Variants in THADA observed in about 807,000 individuals in gnomAD.
THADA encodes THADA armadillo repeat containing, also known as tRNA (32-2'-O)-methyltransferase regulator THADA.
In THADA, 213 loss-of-function variants were observed where a neutral mutation model predicts 219.8. That is an observed-to-expected ratio of 0.97 (90% CI 0.87 to 1.09). The LOEUF (loss-of-function observed/expected upper bound fraction) is 1.09. THADA is among the 50% of genes least tolerant of loss of function. THADA has a pLI of 0.00. For missense variants in THADA, 2,956 were observed against 2,311.3 expected (o/e 1.28, Z -5.72); for synonymous variants, 1,018 against 828.9 (o/e 1.23, Z -3.92).
chr2:43,413,755 CT>C lies in THADA; in HGVS notation c.4058+14344del, dbSNP rs1474233702. ...GATGGTGACAAAATGGTCTCTTCAT[CT>C]TCTTCTGTTCATTAAGGTATTCGGT... On this transcript the variant is annotated intron_variant, in intron 28 of 37. Coordinates refer to ENST00000405975, the MANE Select transcript of THADA (RefSeq NM_022065.5). Among the ~76,000 whole-genome samples, 3 of 152,224 alleles carry C rather than the reference CT, an allele frequency of 2.0e-5. No homozygotes were observed. The East Asian group carries it at 5.8e-4, about 29-fold the overall frequency.
intron 31 of THADA, among the ~76,000 whole-genome samples, chr2:43,318,064 G>A (rs1678277590): frequency 6.6e-6 from 1 of 151,726 alleles, no homozygotes; most frequent in African/African-American, 2.4e-5. Context: ...TTTTGAGACA[G>A]GGTATCGCTC....
At chr2:43,352,575 A>T (rs1033276671) in intron 29 of THADA, among the ~76,000 whole-genome samples, 1 of 152,036 alleles carries the variant, frequency 6.6e-6, no homozygotes, top group African/African-American at 2.4e-5. Context: ...AATAATAATA[A>T]AAAAATGCAG....
chr2:43,312,557 A>G (rs1256178673), intron 31 of THADA, among the ~76,000 whole-genome samples: 1 of 152,190 alleles, frequency 6.6e-6, no homozygotes, highest in Non-Finnish European at 1.5e-5. Context: ...ATCTAATAAC[A>G]TACCCTATAT....
At chr2:43,335,918 G>A (rs1377570168) in intron 30 of THADA, among the ~76,000 whole-genome samples, 1 of 151,974 alleles carries the variant, frequency 6.6e-6, no homozygotes. Context: ...CTAACATGGT[G>A]AAATCCCATC....
At chr2:43,345,829 A>T (rs1389728663) in intron 29 of THADA, among the ~76,000 whole-genome samples, 1 of 152,232 alleles carries the variant, frequency 6.6e-6, no homozygotes, top group East Asian at 1.9e-4. Flanking sequence ...GAAACCTGTG[A>T]GATTTTCAAA....
At chr2:43,540,954 T>C (rs1187640113) in intron 21 of THADA, among the ~76,000 whole-genome samples, 1 of 152,228 alleles carries the variant, frequency 6.6e-6, no homozygotes, top group East Asian at 1.9e-4. Flanking sequence ...TTATATACCT[T>C]AGAAAAAATT....
chr2:43,549,392 A>C (rs777585957), intron 19 of THADA, 24 bp from the exon 20 acceptor site: 2 of 1,587,814 alleles, frequency 1.3e-6, no homozygotes, highest in African/African-American at 1.3e-5. Context: ...ATGAGCGTAC[A>C]TGAAACCCAG....
At chr2:43,288,996 T>C (rs568856902) in intron 34 of THADA, among the ~76,000 whole-genome samples, 10 of 152,330 alleles carry the variant, frequency 6.6e-5, no homozygotes, top group African/African-American at 2.2e-4. Context: ...ATCTACTTTC[T>C]GTCTCTATCA....
chr2:43,384,066 T>C (rs1249909737), intron 29 of THADA, among the ~76,000 whole-genome samples: 2 of 152,138 alleles, frequency 1.3e-5, no homozygotes, highest in Non-Finnish European at 2.9e-5. Flanking sequence ...CTATGATCAG[T>C]GCAGTGATAG....
intron 36 of THADA, among the ~76,000 whole-genome samples, chr2:43,236,616 G>T (rs1353565648): frequency 6.6e-6 from 1 of 152,140 alleles, no homozygotes; most frequent in East Asian, 1.9e-4. Flanking sequence ...CCTAATTTTG[G>T]GAGGCTAAGG....
At chr2:43,551,680 C>T in intron 19 of THADA, 109 bp downstream of exon 19, 1 of 1,012,744 alleles carries the variant, frequency 9.9e-7, no homozygotes, top group Non-Finnish European at 1.3e-6. Context: ...ATTTTCTCCT[C>T]AACTTAGCTT....
chr2:43,422,440 C>A (rs1677832057), intron 28 of THADA, among the ~76,000 whole-genome samples: 1 of 152,046 alleles, frequency 6.6e-6, no homozygotes, highest in Admixed American at 6.5e-5. Context: ...GAGCCCAGAA[C>A]AGAATAATAA....
intron 29 of THADA, among the ~76,000 whole-genome samples, chr2:43,356,977 A>AGGAATGTAGTATGAGC: frequency 1.3e-5 from 2 of 152,326 alleles, no homozygotes; most frequent in South Asian, 4.1e-4. Context: ...CATCATCAAA[A>AGGAATGTAGTATGAGC]GGAATGTAGT....
At chr2:43,265,071 C>G (rs533387082) in intron 36 of THADA, among the ~76,000 whole-genome samples, 8 of 152,284 alleles carry the variant, frequency 5.3e-5, no homozygotes, top group African/African-American at 1.9e-4. Flanking sequence ...TGGGAAGCCA[C>G]CAGAACAAGA....
intron 29 of THADA, among the ~76,000 whole-genome samples, chr2:43,346,873 C>A (rs1008685617): frequency 6.6e-6 from 1 of 152,184 alleles, no homozygotes; most frequent in African/African-American, 2.4e-5. Flanking sequence ...CTTGACCTCC[C>A]CCTCCAACAA....
intron 29 of THADA, among the ~76,000 whole-genome samples, chr2:43,365,888 C>T (rs981603388): frequency 6.6e-6 from 1 of 151,968 alleles, no homozygotes; most frequent in Admixed American, 6.6e-5. Flanking sequence ...ACACTGTCTC[C>T]CAATCTAATG....
intron 36 of THADA, among the ~76,000 whole-genome samples, chr2:43,254,958 G>A (rs1177482293): frequency 6.6e-6 from 1 of 152,154 alleles, no homozygotes; most frequent in Admixed American, 6.5e-5. Flanking sequence ...TTTTTGGAAT[G>A]TTAGTAGATA....
chr2:43,402,273 G>A (rs1321891588), intron 28 of THADA, among the ~76,000 whole-genome samples: 1 of 152,180 alleles, frequency 6.6e-6, no homozygotes, highest in African/African-American at 2.4e-5. Flanking sequence ...CAAATCGGTG[G>A]TACCCATGCA....
chr2:43,400,144 C>A (rs1197124525), intron 28 of THADA, among the ~76,000 whole-genome samples: 4 of 152,106 alleles, frequency 2.6e-5, no homozygotes, highest in Non-Finnish European at 4.4e-5. Context: ...CTAAAGAATG[C>A]CCCTCCTTTT....
Sources: gnomAD v4.1 joint callset for allele counts (sites outside exome capture counted in the v4.1 genomes callset) on GRCh38, gnomAD v4.1.1 for gene constraint, MANE v1.5 for transcripts, NCBI Gene and HGNC (gene_info 2026-07-23, HGNC 2026-07-21) for gene names.